ATP9B: variants seen among roughly 807,000 people sequenced by gnomAD.
The protein encoded by ATP9B is ATPase phospholipid transporting 9B.
ATP9B carries 110 observed loss-of-function variants against 146.1 expected under a neutral mutation model. The ratio of observed to expected loss-of-function variants is 0.75; its 90% CI spans 0.65 to 0.88. ATP9B has a LOEUF of 0.88. Ranked by LOEUF, ATP9B falls within the 40% of genes least tolerant of loss-of-function variation. ATP9B has a pLI of 0.00. For missense variants in ATP9B, 1,499 were observed against 1,496.4 expected (o/e 1.00, Z -0.03); for synonymous variants, 604 against 569.7 (o/e 1.06, Z -0.86).
chr18:79,368,485 G>T (rs1301995588), intron 26 of ATP9B, among the ~76,000 whole-genome samples: 2 of 152,220 alleles, frequency 1.3e-5, no homozygotes, highest in Non-Finnish European at 2.9e-5. Flanking sequence ...CCCTGGCCCA[G>T]TTGCGAGCAC....
chr18:79,193,344 CA>C, intron 9 of ATP9B, 81 bp downstream of exon 9: 2 of 1,172,800 alleles, frequency 1.7e-6, no homozygotes, highest in African/African-American at 1.5e-5. Context: ...GTAATTCAAT[CA>C]AGAATAAATT....
intron 8 of ATP9B, among the ~76,000 whole-genome samples, chr18:79,186,319 G>C (rs2095307951): frequency 6.6e-6 from 1 of 152,148 alleles, no homozygotes; most frequent in Non-Finnish European, 1.5e-5. Flanking sequence ...CCTCACAGCA[G>C]AGGCTTTCCT....
At chr18:79,332,189 G>A (rs149927632) in intron 17 of ATP9B, among the ~76,000 whole-genome samples, 5,290 of 152,300 alleles carry the variant, frequency 0.035, 307 homozygotes, top group African/African-American at 0.12. Flanking sequence ...CAGCACTTTG[G>A]GAGGCCAAGG....
chr18:79,153,238 C>T lies in ATP9B; in HGVS notation c.727-1266C>T, dbSNP rs543947294. Among the ~76,000 whole-genome samples, 12 of 152,246 alleles carry T rather than the reference C, an allele frequency of 7.9e-5. No individual in the cohort carries two copies. The South Asian group carries it at 8.3e-4, about 11-fold the overall frequency. ...ATACATAATTCATGACATTATGTGACGTATTCTTAATACAATTATATATTT... is the reference window on the plus strand; with the variant it reads ...ATACATAATTCATGACATTATGTGATGTATTCTTAATACAATTATATATTT... On this transcript the variant is annotated intron_variant, in intron 6 of 29. Transcript: ENST00000426216.
chr18:79,207,231 C>T (rs1036858855), intron 10 of ATP9B, among the ~76,000 whole-genome samples: 6 of 152,194 alleles, frequency 3.9e-5, no homozygotes, highest in Non-Finnish European at 8.8e-5. Context: ...AGGCCTGAGA[C>T]AGGGAGAGGT....
intron 25 of ATP9B, among the ~76,000 whole-genome samples, chr18:79,348,803 G>A (rs1245852333): frequency 1.3e-5 from 2 of 152,188 alleles, no homozygotes; most frequent in Admixed American, 6.5e-5. Context: ...CTAACATGGC[G>A]AAACCCTGTC....
intron 4 of ATP9B, among the ~76,000 whole-genome samples, chr18:79,121,020 C>T (rs1396080614): frequency 6.6e-6 from 1 of 152,122 alleles, no homozygotes; most frequent in Non-Finnish European, 1.5e-5. Context: ...TACTTACTCA[C>T]TTTGTGTCTC....
intron 12 of ATP9B, among the ~76,000 whole-genome samples, chr18:79,267,339 A>G (rs2096213609): frequency 6.6e-6 from 1 of 151,966 alleles, no homozygotes; most frequent in East Asian, 1.9e-4. Flanking sequence ...TAGGTTTGCC[A>G]GCTTTCATTT....
intron 17 of ATP9B, among the ~76,000 whole-genome samples, chr18:79,334,470 T>C (rs1316830955): frequency 1.3e-5 from 2 of 152,146 alleles, no homozygotes; most frequent in African/African-American, 4.8e-5. Context: ...ACCACAGCTT[T>C]AAAGCTTAGG....
At chr18:79,327,434 CTCCATGGTTAGTGTG>C (rs2096753907) in intron 15 of ATP9B, among the ~76,000 whole-genome samples, 1 of 152,088 alleles carries the variant, frequency 6.6e-6, no homozygotes, top group East Asian at 1.9e-4. Flanking sequence ...AGAGCGTGCT[CTCCATGGTTAGTGTG>C]CTCCCCATGG....
In ATP9B at chr18:79,306,966, T is replaced by C. The variant is rs764360137; in HGVS notation, c.1525-20T>C. 1 of 1,612,588 alleles carries C rather than the reference T, an allele frequency of 6.2e-7. No homozygotes were observed. Among genetic ancestry groups the C allele is most frequent in the Non-Finnish European group, 8.5e-7 (1 of 1,178,872 alleles). ...TCTCTTTGCTCTATCTTTAATTATG[T>C]GACGTTTCATATTCTAAAGATGCAG... On this transcript the variant is annotated intron_variant, in intron 14 of 29. Coordinates refer to ENST00000426216, the MANE Select transcript of ATP9B (RefSeq NM_198531.5).
rs67414221 is a variant in ATP9B at position 79,376,214 on chromosome 18, C to CAAAAAAAA, written c.3307+792_3307+793insAAAAAAAA. 1.1e-3 allele frequency: 972 copies of CAAAAAAAA among 883,304 alleles called. 11 individuals carry two copies. The highest frequency in any genetic ancestry group is 6.8e-3 in the African/African-American group (317 of 46,628). The allele number at this position is 883,304 out of a possible 1,614,324, so 54.7% of individuals were successfully genotyped here. ...ACACACACACACACACACACACACACAAAACAAAACAAAAAAATGGCTAGC... is the reference window on the plus strand; with the variant it reads ...ACACACACACACACACACACACACACAAAAAAAAAAAACAAAACAAAAAAATGGCTAGC... On this transcript the variant is annotated intron_variant, in intron 29 of 29. Coordinates refer to ENST00000426216, the MANE Select transcript of ATP9B (RefSeq NM_198531.5).
At chr18:79,186,697 T>A (rs756622432) in intron 8 of ATP9B, among the ~76,000 whole-genome samples, 2 of 152,228 alleles carry the variant, frequency 1.3e-5, no homozygotes, top group Non-Finnish European at 2.9e-5. Flanking sequence ...TAAACTAGCT[T>A]AATTTAAATA....
At chr18:79,318,475 A>G (rs1178825871) in intron 15 of ATP9B, among the ~76,000 whole-genome samples, 3 of 152,202 alleles carry the variant, frequency 2.0e-5, no homozygotes, top group Non-Finnish European at 4.4e-5. Flanking sequence ...ACTTCTCAAA[A>G]CTGTGGAGGT....
intron 1 of ATP9B, among the ~76,000 whole-genome samples, chr18:79,081,465 T>C (rs1000785541): frequency 3.3e-5 from 5 of 151,826 alleles, no homozygotes; most frequent in Admixed American, 2.0e-4. Context: ...ATATCACCTT[T>C]ATCATTTTTT....
chr18:79,160,999 ACCTCAAGCGATCCACCTG>A lies in ATP9B; in HGVS notation c.778+6448_778+6465del, dbSNP rs2094871597. Among the ~76,000 whole-genome samples, 3 of 152,116 alleles carry A rather than the reference ACCTCAAGCGATCCACCTG, an allele frequency of 2.0e-5. No homozygotes were observed. In the South Asian group the frequency reaches 6.2e-4, roughly 32 times the overall value. ...TGGCCAGGCTGGTCTTGTACTTCTG[ACCTCAAGCGATCCACCTG>A]CCTTGGCCTCCCAAAGTGCTGGGGT... On this transcript the variant is annotated intron_variant, in intron 7 of 29. Transcript: ENST00000426216.
At chr18:79,087,448 CTTGTAG>C (rs1337385133) in intron 1 of ATP9B, 1 of 152,210 alleles carries the variant, frequency 6.6e-6, no homozygotes, top group Non-Finnish European at 1.5e-5. Flanking sequence ...ACAGTTGAAA[CTTGTAG>C]TTGTATTTGA....
chr18:79,134,930 G>A (rs1398978268), intron 5 of ATP9B, among the ~76,000 whole-genome samples: 1 of 152,154 alleles, frequency 6.6e-6, no homozygotes, highest in South Asian at 2.1e-4. Flanking sequence ...TTTTCATACA[G>A]TGTTTCTGGA....
At chr18:79,312,853 T>A (rs2096660406) in intron 15 of ATP9B, among the ~76,000 whole-genome samples, 1 of 152,246 alleles carries the variant, frequency 6.6e-6, no homozygotes, top group Non-Finnish European at 1.5e-5. Context: ...TTCTTGTGAA[T>A]CACATTGTCA....
Sources: gnomAD v4.1 joint callset for allele counts (sites outside exome capture counted in the v4.1 genomes callset) on GRCh38, gnomAD v4.1.1 for gene constraint, MANE v1.5 for transcripts, NCBI Gene and HGNC (gene_info 2026-07-23, HGNC 2026-07-21) for gene names.